Variants in CASQ2 observed in about 807,000 individuals in gnomAD.
The protein encoded by CASQ2 is calsequestrin-2.
Under a neutral mutation model 46.5 loss-of-function variants are expected in CASQ2, and 49 were observed. The observed-to-expected ratio is 1.05, with a 90% CI of 0.84 to 1.34. The LOEUF (loss-of-function observed/expected upper bound fraction) is 1.34. CASQ2 is among the 40% of genes most tolerant of loss of function. The pLI, the probability that CASQ2 is intolerant of heterozygous loss-of-function variation, is 0.00. For synonymous variants in CASQ2, 174 were observed against 168.5 expected (o/e 1.03, Z -0.25); for missense variants, 486 against 481.3 (o/e 1.01, Z -0.09).
At chr1:115,716,325 T>A (rs1654699431) in intron 8 of CASQ2, among the ~76,000 whole-genome samples, 1 of 152,160 alleles carries the variant, frequency 6.6e-6, no homozygotes, top group Non-Finnish European at 1.5e-5. Flanking sequence ...AAGTTACCCA[T>A]CCATTTACAG....
At chr1:115,743,481 C>A (rs1369656108) in intron 2 of CASQ2, among the ~76,000 whole-genome samples, 1 of 151,906 alleles carries the variant, frequency 6.6e-6, no homozygotes, top group Non-Finnish European at 1.5e-5. Flanking sequence ...TGGGCTCAAG[C>A]AATCCTCTGC....
At position 115,702,901 on chromosome 1, in the gene CASQ2, C is replaced by T. The variant is rs369540921; in HGVS notation, c.1014+20G>A. The T allele has an allele frequency of 5.6e-6, 9 of 1,600,350 alleles. No individual in the cohort carries two copies. In the African/African-American group the frequency reaches 1.2e-4, roughly 21 times the overall value. The stretch of plus-strand genomic sequence containing the variant: ...GGCAGGCCAAGGGTGCCTGAGCAAG[C>T]CTTCACAGGGGATACTCACATCTGT... On this transcript the variant is annotated intron_variant, in intron 10 of 10. Coordinates refer to ENST00000261448, the MANE Select transcript of CASQ2 (RefSeq NM_001232.4).
intron 1 of CASQ2, among the ~76,000 whole-genome samples, chr1:115,754,378 C>T (rs1411279520): frequency 6.6e-6 from 1 of 152,022 alleles, no homozygotes; most frequent in Non-Finnish European, 1.5e-5. Context: ...GGAAAAGACC[C>T]AAGGGAAGAT....
At chr1:115,758,787 C>T (rs567218606) in intron 1 of CASQ2, among the ~76,000 whole-genome samples, 1 of 152,306 alleles carries the variant, frequency 6.6e-6, no homozygotes, top group South Asian at 2.1e-4. Flanking sequence ...CACCTTCTGC[C>T]ATGAGTGGAA....
chr1:115,723,766 T>C (rs1489287037), intron 7 of CASQ2, among the ~76,000 whole-genome samples: 2 of 152,164 alleles, frequency 1.3e-5, no homozygotes, highest in Non-Finnish European at 2.9e-5. Context: ...CTCGAACTCC[T>C]GACGTCAAGT....
At chr1:115,707,580 G>A (rs891241704) in intron 8 of CASQ2, among the ~76,000 whole-genome samples, 4 of 152,168 alleles carry the variant, frequency 2.6e-5, no homozygotes, top group African/African-American at 7.2e-5. Context: ...ACTGACTGAC[G>A]TGTGGACACT....
chr1:115,729,663 A>G (rs1647721787), intron 5 of CASQ2, among the ~76,000 whole-genome samples: 1 of 152,252 alleles, frequency 6.6e-6, no homozygotes, highest in Admixed American at 6.5e-5. Context: ...GTGCATGTAT[A>G]TGAATTTTGA....
chr1:115,766,671 C>G (rs1450184271), intron 1 of CASQ2, among the ~76,000 whole-genome samples: 1 of 152,146 alleles, frequency 6.6e-6, no homozygotes, highest in Non-Finnish European at 1.5e-5. Context: ...CTCACTCCAG[C>G]TTTAGCAGCC....
chr1:115,715,580 C>A (rs181592262), intron 8 of CASQ2, among the ~76,000 whole-genome samples: 2 of 152,242 alleles, frequency 1.3e-5, no homozygotes, highest in East Asian at 3.9e-4. Context: ...CTGCTAATGG[C>A]TATTTATCAA....
chr1:115,751,535 G>T (rs1167868360), intron 1 of CASQ2, among the ~76,000 whole-genome samples: 1 of 152,164 alleles, frequency 6.6e-6, no homozygotes, highest in East Asian at 1.9e-4. Context: ...AGCCGGGCTT[G>T]GTGGCAGGAG....
chr1:115,721,372 C>G (rs933715988), intron 7 of CASQ2, among the ~76,000 whole-genome samples: 1 of 152,116 alleles, frequency 6.6e-6, no homozygotes, highest in African/African-American at 2.4e-5. Context: ...AATGTACACA[C>G]AGCAAATATT....
intron 7 of CASQ2, among the ~76,000 whole-genome samples, chr1:115,723,400 G>T (rs1228652579): frequency 2.0e-5 from 3 of 152,110 alleles, no homozygotes; most frequent in African/African-American, 7.2e-5. Flanking sequence ...GGAGATCTAG[G>T]TGAAGAGATA....
intron 7 of CASQ2, among the ~76,000 whole-genome samples, chr1:115,723,305 T>TTATCTATTTATCTATC: frequency 6.7e-6 from 1 of 148,866 alleles, no homozygotes; most frequent in South Asian, 2.2e-4. Flanking sequence ...ATCTATCTAT[T>TTATCTATTTATCTATC]TATCTATCTA....
At chr1:115,729,149 G>C (rs1040418843) in intron 5 of CASQ2, among the ~76,000 whole-genome samples, 1 of 145,054 alleles carries the variant, frequency 6.9e-6, no homozygotes, top group Non-Finnish European at 1.5e-5. Flanking sequence ...TCCCAGGTTC[G>C]AGCGATTCTC....
chr1:115,721,451 A>T (rs1002129576), intron 7 of CASQ2, among the ~76,000 whole-genome samples: 7 of 152,230 alleles, frequency 4.6e-5, no homozygotes, highest in Admixed American at 3.3e-4. Context: ...AAAAACCTGC[A>T]CAATTAGAGT....
chr1:115,748,651 C>T (rs1426132705), intron 1 of CASQ2, among the ~76,000 whole-genome samples: 1 of 152,166 alleles, frequency 6.6e-6, no homozygotes, highest in East Asian at 1.9e-4. Context: ...ACAGACCAAC[C>T]TTTCTGCAAG....
chr1:115,713,153 T>G (rs1257860907), intron 8 of CASQ2, among the ~76,000 whole-genome samples: 1 of 152,154 alleles, frequency 6.6e-6, no homozygotes, highest in Non-Finnish European at 1.5e-5. Context: ...CATGCACTCA[T>G]GTAGAAACGC....
intron 1 of CASQ2, among the ~76,000 whole-genome samples, chr1:115,767,519 T>A (rs1480769886): frequency 6.6e-6 from 1 of 152,200 alleles, no homozygotes; most frequent in East Asian, 1.9e-4. Flanking sequence ...TGATGAGGCA[T>A]CTTGGTGCCC....
Position 115,768,397 on chromosome 1 carries a change from A to G in CASQ2, c.145T>C (p.Tyr49His), listed in dbSNP as rs757893573. The change falls in exon 1 of 11, where the codon TAT (tyrosine) becomes CAT (histidine). Residue 49 changes from tyrosine (Y) to histidine (H), a missense_variant. Transcript: ENST00000261448. ...TGGTAGTAGAGGCAAAGCAAGTCAT[A>G]TTTCTTTAAAACCTGCTTGAAGTTC... ...EKNFKQVLKKYDLLCLYYHEP... is the reference protein window; with the variant it reads ...EKNFKQVLKKHDLLCLYYHEP... 6.2e-7 allele frequency: 1 copy of G among 1,613,968 alleles called. No individual in the cohort carries two copies. Among genetic ancestry groups the G allele is most frequent in the Admixed American group, 1.7e-5 (1 of 60,010 alleles).
Sources: gnomAD v4.1 joint callset for allele counts (sites outside exome capture counted in the v4.1 genomes callset) on GRCh38, gnomAD v4.1.1 for gene constraint, MANE v1.5 for transcripts, NCBI Gene and HGNC (gene_info 2026-07-23, HGNC 2026-07-21) for gene names.